Variants in DIXDC1 observed in about 807,000 individuals in gnomAD.
DIXDC1 encodes DIX domain containing 1.
A neutral mutation model predicts 103.1 loss-of-function variants in DIXDC1; 64 were observed. The observed-to-expected ratio is 0.62, with a 90% CI of 0.51 to 0.76. The LOEUF is 0.76. DIXDC1 is among the 30% of genes least tolerant of loss of function. DIXDC1 has a pLI of 0.00. For synonymous variants in DIXDC1, 266 were observed against 298.5 expected (o/e 0.89, Z 1.12); for missense variants, 759 against 834.2 (o/e 0.91, Z 1.11).
At chr11:111,984,688 C>T (rs587596678) in intron 7 of DIXDC1, among the ~76,000 whole-genome samples, 42 of 152,324 alleles carry the variant, frequency 2.8e-4, no homozygotes, top group African/African-American at 8.4e-4. Flanking sequence ...CCACCTGGGT[C>T]AGGAGCTGAA....
At chr11:111,935,586 G>A (rs1349170600), upstream of DIXDC1, among the ~76,000 whole-genome samples, 10 of 152,220 alleles carry the variant, frequency 6.6e-5, no homozygotes, top group African/African-American at 2.4e-4. Context: ...CATTATGCAC[G>A]TAGATGTATT....
intron 3 of DIXDC1, among the ~76,000 whole-genome samples, chr11:111,973,124 A>G (rs1476375816): frequency 7.3e-5 from 11 of 150,286 alleles, no homozygotes; most frequent in African/African-American, 2.7e-4. Context: ...TAATCCCAGC[A>G]CTTTGGGAGG....
chr11:112,000,092 G>A lies in DIXDC1; in HGVS notation c.1756+3946G>A, dbSNP rs146265509. Among the ~76,000 whole-genome samples the A allele has an allele frequency of 6.0e-3, 914 of 152,114 alleles. 10 individuals carry two copies. The highest frequency in any genetic ancestry group is 0.021 in the African/African-American group (860 of 41,510). ...GGAGGTTGCAGCTAGCTGAGATTGCGCCACTGCACTCCAGCCTAGGCTACA... is the reference window on the plus strand; with the variant it reads ...GGAGGTTGCAGCTAGCTGAGATTGCACCACTGCACTCCAGCCTAGGCTACA... On this transcript the variant is annotated intron_variant, in intron 17 of 19. Coordinates refer to ENST00000440460, the MANE Select transcript of DIXDC1 (RefSeq NM_001037954.4).
chr11:111,995,435 C>G lies in DIXDC1; in HGVS notation c.1560C>G (p.Leu520=). ...TSDLQLVRDA[L]RSLRNSFSGH... is the part of the protein sequence containing the mutation. ...ACCTGCAGCTTGTTCGAGATGCTCT[C>G]CGCAGCCTGCGCAACAGCTTCAGTG... Residue 520 remains leucine (L), a synonymous_variant, in exon 16 of 20, where the codon CTC becomes CTG. Transcript: ENST00000440460. The G allele has an allele frequency of 6.2e-7, 1 of 1,613,446 alleles. No homozygotes were observed. The highest frequency in any genetic ancestry group is 8.5e-7 in the Non-Finnish European group (1 of 1,179,900).
chr11:111,949,247 G>A (rs1966696717), intron 1 of DIXDC1, among the ~76,000 whole-genome samples: 1 of 151,942 alleles, frequency 6.6e-6, no homozygotes, highest in Non-Finnish European at 1.5e-5. Context: ...TTGGGCTCTA[G>A]ACCTGTGTTT....
chr11:111,947,216 T>C (rs1555169469), intron 1 of DIXDC1, among the ~76,000 whole-genome samples: 1 of 152,158 alleles, frequency 6.6e-6, no homozygotes, highest in Non-Finnish European at 1.5e-5. Flanking sequence ...AGAGAAGCAC[T>C]GCTTTTCCCT....
intron 17 of DIXDC1, 43 bp downstream of exon 17, chr11:111,996,189 G>T: frequency 6.5e-7 from 1 of 1,544,666 alleles, no homozygotes; most frequent in South Asian, 1.2e-5. Context: ...TAGCATATTA[G>T]ACCAGAAATT....
chr11:111,937,536 G>T lies in DIXDC1; in HGVS notation c.37G>T (p.Val13Phe). 1 of 1,595,820 alleles carries T rather than the reference G, an allele frequency of 6.3e-7. No homozygotes were observed. The highest frequency in any genetic ancestry group is 1.3e-5 in the African/African-American group (1 of 74,614). ...CCTGACCCGAGGGAACTTACTGGAC[G>T]TCCTGCAGGAGGGCTTCAATGAGGT... Reference protein sequence around the residue: ...ACLTRGNLLDVLQEGFNEQQL... With the variant: ...ACLTRGNLLDFLQEGFNEQQL... The change falls in exon 1 of 20, where the codon GTC (valine) becomes TTC (phenylalanine). Residue 13 changes from valine (V) to phenylalanine (F), a missense_variant. This residue lies in a region of DIXDC1 where 97 missense variants were observed against 85.4 expected (regional missense o/e 1.14). Transcript: ENST00000440460.
chr11:111,974,085 A>C lies in DIXDC1; in HGVS notation c.379A>C (p.Lys127Gln), dbSNP rs1555172347. ...RLVLALAAHF[K>Q]PGSSRTVNQG... ...GGTCCTTGCCTTGGCAGCTCATTTC[A>C]AACCTGGCTCCAGCAGGACGGTGAA... Residue 127 changes from lysine (K) to glutamine (Q), a missense_variant, in exon 4 of 20, where the codon AAA becomes CAA. Transcript: ENST00000440460. 1 of 1,614,014 alleles carries C rather than the reference A, an allele frequency of 6.2e-7. No homozygotes were observed. The highest frequency in any genetic ancestry group is 8.5e-7 in the Non-Finnish European group (1 of 1,179,898).
Position 111,950,438 on chromosome 11 carries a change from A to ATTTTT in DIXDC1, c.60+12909_60+12913dup, listed in dbSNP as rs59473485. Among the ~76,000 whole-genome samples, 7 of 15,170 alleles carry ATTTTT rather than the reference A, an allele frequency of 4.6e-4. 1 individual carries two copies. Among genetic ancestry groups the ATTTTT allele is most frequent in the East Asian group, 0.01 (2 of 200 alleles). 10.0% of individuals were successfully genotyped at this position (15,170 alleles called of 152,430 possible). ...TATATATATATATATATATATATAT[A>ATTTTT]TTTTTTTTTTTTTTTTTTTTTTTTT... is the stretch of plus-strand genomic sequence containing the variant. On this transcript the variant is annotated intron_variant, in intron 1 of 19. Transcript: ENST00000440460.
In DIXDC1 at chr11:111,977,630, C is replaced by T. The variant is rs1184166735; in HGVS notation, c.656+2647C>T. 5.8e-6 allele frequency: 9 copies of T among 1,541,376 alleles called. No homozygotes were observed. Among genetic ancestry groups the T allele is most frequent in the Non-Finnish European group, 7.0e-6 (8 of 1,143,150 alleles). On this transcript the variant is annotated intron_variant, in intron 5 of 19. Coordinates refer to ENST00000440460, the MANE Select transcript of DIXDC1 (RefSeq NM_001037954.4). The surrounding 1 kb of genome is among the most constrained non-coding windows in gnomAD (Gnocchi z 6.1). ...TTTCTCCCGCGAGCCGGGCCAGTAGCTTTGCTAGCTGGCCTTCCCGTGGAG... is the reference window on the plus strand; with the variant it reads ...TTTCTCCCGCGAGCCGGGCCAGTAGTTTTGCTAGCTGGCCTTCCCGTGGAG...
intron 1 of DIXDC1, among the ~76,000 whole-genome samples, chr11:111,955,753 C>T (rs587636267): frequency 5.7e-5 from 8 of 141,190 alleles, no homozygotes; most frequent in South Asian, 2.2e-4. Flanking sequence ...GAGAATTGCT[C>T]GAACCTGGAG....
intron 1 of DIXDC1, among the ~76,000 whole-genome samples, chr11:111,952,701 TC>T (rs1479829126): frequency 6.6e-6 from 1 of 151,542 alleles, no homozygotes; most frequent in African/African-American, 2.4e-5. Flanking sequence ...GTGCCTGTAA[TC>T]CCAGCTACTT....
At position 112,019,186 on chromosome 11, in the gene DIXDC1, CCT is replaced by C. The variant is rs1240255037; in HGVS notation, c.*153_*154del. 6 of 587,316 alleles carry C rather than the reference CCT, an allele frequency of 1.0e-5. No homozygotes were observed. In the African/African-American group the frequency reaches 1.1e-4, roughly 11 times the overall value. The allele number at this position is 587,316 out of a possible 1,614,324, so 36.4% of individuals were successfully genotyped here. ...CCAAGCATGATGGCCACAGGTCAGT[CCT>C]CTTTCTGTGCCTGGCATATCTGGTA... On this transcript the variant is annotated 3_prime_UTR_variant, in exon 20 of 20. Transcript: ENST00000440460.
chr11:111,993,364 C>G, intron 12 of DIXDC1, 132 bp from the exon 13 acceptor site: 1 of 840,502 alleles, frequency 1.2e-6, no homozygotes, highest in Non-Finnish European at 1.9e-6. Context: ...GTAAAGTCTT[C>G]CTGGTATATT....
chr11:111,944,241 C>T (rs1477310176), intron 1 of DIXDC1, among the ~76,000 whole-genome samples: 2 of 152,176 alleles, frequency 1.3e-5, no homozygotes, highest in African/African-American at 4.8e-5. Context: ...ATGTCTCCTC[C>T]TGAACTGTCT....
intron 17 of DIXDC1, among the ~76,000 whole-genome samples, chr11:112,013,516 T>G (rs1861495499): frequency 1.3e-5 from 2 of 152,260 alleles, no homozygotes; most frequent in African/African-American, 4.8e-5. Flanking sequence ...ACATTTAAAA[T>G]GAATAATGAG....
At chr11:111,954,539 G>T (rs1966872418) in intron 1 of DIXDC1, among the ~76,000 whole-genome samples, 1 of 152,124 alleles carries the variant, frequency 6.6e-6, no homozygotes, top group African/African-American at 2.4e-5. Flanking sequence ...GATTTAAAAG[G>T]GTGCTTAGGT....
rs782690768 is a variant in DIXDC1 at position 112,017,868 on chromosome 11, G to A, written c.1954G>A (p.Gly652Ser). The A allele has an allele frequency of 1.2e-6, 2 of 1,609,524 alleles. No individual in the cohort carries two copies. Among genetic ancestry groups the A allele is most frequent in the Non-Finnish European group, 1.7e-6 (2 of 1,177,528 alleles). Residue 652 changes from glycine to serine, a missense_variant, in exon 19 of 20, where the codon GGC (glycine) becomes AGC (serine). Coordinates refer to ENST00000440460, the MANE Select transcript of DIXDC1 (RefSeq NM_001037954.4). This position sits in a 1 kb window ranked among gnomAD's most constrained non-coding sequence, Gnocchi z 4.0. ...CTTCAAAGCACTGGATCCTGAGTTTGGCACTGTCAAAGAGGAGGTAAAGAA... is the reference window on the plus strand; with the variant it reads ...CTTCAAAGCACTGGATCCTGAGTTTAGCACTGTCAAAGAGGAGGTAAAGAA... ...YHFKALDPEF[G>S]TVKEEIFHDD...
Sources: gnomAD v4.1 joint callset for allele counts (sites outside exome capture counted in the v4.1 genomes callset) on GRCh38, gnomAD v4.1.1 for gene constraint, gnomAD v4.1.1 regional missense constraint, Gnocchi (gnomAD v3.1) non-coding constraint, MANE v1.5 for transcripts, NCBI Gene and HGNC (gene_info 2026-07-23, HGNC 2026-07-21) for gene names.